ABR: variants seen among roughly 807,000 people sequenced by gnomAD.
ABR encodes the protein ABR activator of RhoGEF and GTPase.
Under a neutral mutation model 107.2 loss-of-function variants are expected in ABR, and 35 were observed. The ratio of observed to expected loss-of-function variants is 0.33; its 90% CI spans 0.25 to 0.43. The LOEUF is 0.43. ABR is among the 20% of genes least tolerant of loss of function. The probability of loss-of-function intolerance (pLI) is 1.00; values close to 1 mark genes in which losing one functional copy is unlikely to be tolerated. For missense variants in ABR, 815 were observed against 1,115.2 expected, an observed-to-expected ratio of 0.73 and a Z score of 3.83; for synonymous variants, 498 against 462.0, an observed-to-expected ratio of 1.08 and a Z score of -1.00.
chr17:1,066,456 G>C (rs948438447), intron 10 of ABR, among the ~76,000 whole-genome samples: 1 of 151,912 alleles, frequency 6.6e-6, no homozygotes. Context: ...GGCCTCCCAG[G>C]TCCTTTTCCT....
intron 4 of ABR, among the ~76,000 whole-genome samples, chr17:1,087,540 A>ATT (rs2036685595): frequency 6.6e-6 from 1 of 151,972 alleles, no homozygotes; most frequent in African/African-American, 2.4e-5. Context: ...GGACTTTTAA[A>ATT]AGAGGGCGGG....
rs56226163 is a variant in ABR, at chr17:1,223,304, A to AACACACACACACACACACAC, written c.838+5469_838+5488dup. Among the ~76,000 whole-genome samples, 1,141 of 149,164 alleles carry AACACACACACACACACACAC rather than the reference A, an allele frequency of 7.6e-3. 10 individuals are homozygous for AACACACACACACACACACAC. The highest frequency in any genetic ancestry group is 0.026 in the African/African-American group (1,069 of 40,550). On this transcript the variant is annotated intron_variant, in intron 1 of 22. Transcript: ENST00000574139. ...CTCAAACAAACAAAAAATCAGTAACAACACACACACACACACACACACAGA... is the reference window on the plus strand; with the variant it reads ...CTCAAACAAACAAAAAATCAGTAACAACACACACACACACACACACACACACACACACACACACACACAGA...
intron 16 of ABR, among the ~76,000 whole-genome samples, chr17:1,046,115 C>T (rs2031550457): frequency 6.6e-6 from 1 of 152,172 alleles, no homozygotes; most frequent in Non-Finnish European, 1.5e-5. Context: ...AGGTGATCCC[C>T]CCGCCCTGGC....
rs182958817 is a variant in ABR at position 1,157,177 on chromosome 17, G to A, written c.61+22490C>T. Among the ~76,000 whole-genome samples, 1,452 of 152,156 alleles carry A rather than the reference G, an allele frequency of 9.5e-3. 23 individuals carry two copies. The highest frequency in any genetic ancestry group is 0.034 in the African/African-American group (1,392 of 41,520). On this transcript the variant is annotated intron_variant, in intron 1 of 22. Transcript: ENST00000302538. The surrounding 1 kb of genome is among the most constrained non-coding windows in gnomAD (Gnocchi z 4.7). ...ACACAGCTGCTGAGTGGCAAAGCTT[G>A]GAACCCGGGCAGTCTGGTCTCAGAC...
Position 1,021,164 on chromosome 17 carries a change from G to C in ABR, c.1792-8000C>G, listed in dbSNP as rs1362069433. ...ACTGGCCACTGGGGGTCTCAGTGGA[G>C]GGGGGAGCAGAGGTCCCAAGCAGCC... On this transcript the variant is annotated intron_variant, in intron 16 of 22. Transcript: ENST00000302538. 5.9e-5 allele frequency among the ~76,000 whole-genome samples: 9 copies of C among 152,178 alleles called. No individual in the cohort carries two copies. In the East Asian group the frequency reaches 1.7e-3, roughly 29 times the overall value.
chr17:1,007,269 G>A lies in ABR; in HGVS notation c.2386C>T (p.Leu796=). Residue 796 remains leucine, a synonymous_variant, in exon 22 of 23, where the codon CTG becomes TTG. Transcript: ENST00000302538. The part of the protein sequence containing the change: ...EPINKMSLHN[L]ATVFGPTLLR... ...AACGTGGGTCCAAACACGGTAGCCA[G>A]GTTGTGAAGTGACATTTTGTTGATG... The A allele has an allele frequency of 6.2e-7, 1 of 1,614,160 alleles. No individual in the cohort carries two copies. Among genetic ancestry groups the A allele is most frequent in the Non-Finnish European group, 8.5e-7 (1 of 1,180,002 alleles).
At chr17:1,098,469 G>A (rs1248276814) in intron 3 of ABR, among the ~76,000 whole-genome samples, 5 of 152,264 alleles carry the variant, frequency 3.3e-5, no homozygotes, top group South Asian at 2.1e-4. Flanking sequence ...ACAACAAACC[G>A]AAAGTTCCCT....
chr17:1,067,140 T>G lies in ABR; in HGVS notation c.1119A>C (p.Pro373=). The change falls in exon 10 of 23, where the codon CCA becomes CCC. Residue 373 remains proline (P), a synonymous_variant. Transcript: ENST00000302538. ...SEASPQVHPF[P]DHELEDMKMK... ...TCTTCATGTCCTCCAGCTCATGGTC[T>G]GGGAAGGGGTGCACCTGGGGGCTGG... 6.2e-7 allele frequency: 1 copy of G among 1,613,926 alleles called. No individual in the cohort carries two copies. Among genetic ancestry groups the G allele is most frequent in the Non-Finnish European group, 8.5e-7 (1 of 1,179,958 alleles).
chr17:1,121,444 G>A (rs895380595), intron 2 of ABR, among the ~76,000 whole-genome samples: 4 of 152,218 alleles, frequency 2.6e-5, no homozygotes, highest in African/African-American at 4.8e-5. Flanking sequence ...GCCAAGGGCT[G>A]TGCACTTTGG....
At chr17:1,137,278 G>T (rs1175366219) in intron 1 of ABR, among the ~76,000 whole-genome samples, 1 of 152,024 alleles carries the variant, frequency 6.6e-6, no homozygotes, top group African/African-American at 2.4e-5. Flanking sequence ...TCCTGACCTC[G>T]TGATCTGCCC....
chr17:1,146,731 C>T (rs1170511342), intron 1 of ABR, among the ~76,000 whole-genome samples: 1 of 150,388 alleles, frequency 6.6e-6, no homozygotes, highest in Admixed American at 6.7e-5. Context: ...GCCACCATTG[C>T]CACACGACAC....
intron 4 of ABR, among the ~76,000 whole-genome samples, chr17:1,086,662 G>A (rs1051448455): frequency 2.6e-5 from 4 of 152,070 alleles, no homozygotes; most frequent in Admixed American, 6.6e-5. Context: ...CACCACACCC[G>A]GCTAGTTTTT....
chr17:1,102,634 G>A (rs530350051), intron 2 of ABR, among the ~76,000 whole-genome samples: 15 of 152,372 alleles, frequency 9.8e-5, no homozygotes, highest in African/African-American at 3.4e-4. Flanking sequence ...ATGGCCGCAG[G>A]CTGGAAAAGC....
At chr17:1,134,521 T>C (rs904802532) in intron 1 of ABR, among the ~76,000 whole-genome samples, 3 of 152,248 alleles carry the variant, frequency 2.0e-5, no homozygotes, top group Non-Finnish European at 4.4e-5. Flanking sequence ...TCTCATTTCC[T>C]GCTCATGGGA....
chr17:1,086,384 A>G (rs1324727239), intron 4 of ABR, among the ~76,000 whole-genome samples: 1 of 152,238 alleles, frequency 6.6e-6, no homozygotes, highest in Non-Finnish European at 1.5e-5. Context: ...ATTTACACAT[A>G]GCATTGCTGA....
intron 1 of ABR, among the ~76,000 whole-genome samples, chr17:1,209,497 G>A (rs193115840): frequency 1.4e-4 from 22 of 152,146 alleles, no homozygotes; most frequent in Middle Eastern, 3.4e-3. Context: ...GGCTGGTCTC[G>A]AACTCCTGGA....
chr17:1,159,978 G>A (rs951705050), intron 1 of ABR, among the ~76,000 whole-genome samples: 3 of 152,194 alleles, frequency 2.0e-5, no homozygotes, highest in Non-Finnish European at 2.9e-5. Flanking sequence ...CACACGTGAC[G>A]CTGCCGCCGC....
chr17:1,079,293 G>C (rs1407816102), intron 6 of ABR, 37 bp downstream of exon 6: 1 of 1,605,034 alleles, frequency 6.2e-7, no homozygotes, highest in Admixed American at 1.7e-5. Context: ...GCCAGACAAA[G>C]GTAGGTGCCT....
At chr17:1,170,151 G>A (rs2041655634) in intron 1 of ABR, among the ~76,000 whole-genome samples, 1 of 152,188 alleles carries the variant, frequency 6.6e-6, no homozygotes, top group Non-Finnish European at 1.5e-5. Flanking sequence ...CAGCCCAGTT[G>A]GTGGATGCTC....
Sources: allele counts gnomAD v4.1 joint callset (sites outside exome capture counted in the v4.1 genomes callset), GRCh38; gene constraint gnomAD v4.1.1; non-coding constraint Gnocchi (gnomAD v3.1); transcripts MANE v1.5; gene names NCBI Gene and HGNC (gene_info 2026-07-23, HGNC 2026-07-21).